PTPN9: variants seen among roughly 807,000 people sequenced by gnomAD.
PTPN9 encodes the protein tyrosine-protein phosphatase non-receptor type 9.
A neutral mutation model predicts 69.8 loss-of-function variants in PTPN9; 26 were observed. The observed-to-expected ratio is 0.37, with a 90% CI of 0.27 to 0.52. The LOEUF (loss-of-function observed/expected upper bound fraction) is 0.52, where lower values mean the gene tolerates loss of function less well. Ranked by LOEUF, PTPN9 falls within the 20% of genes least tolerant of loss-of-function variation. The pLI, the probability that PTPN9 is intolerant of heterozygous loss-of-function variation, is 0.91. For synonymous variants in PTPN9, 274 were observed against 272.5 expected, an observed-to-expected ratio of 1.01 and a Z score of -0.05; for missense variants, 549 against 740.3, an observed-to-expected ratio of 0.74 and a Z score of 3.00.
intron 8 of PTPN9, chr15:75,480,888 G>A (rs1231571217): frequency 2.9e-5 from 8 of 271,862 alleles, no homozygotes; most frequent in East Asian, 1.9e-4. Flanking sequence ...CTGCCCGGCT[G>A]CCACCCCGTC....
At chr15:75,513,481 T>C (rs2074853400) in intron 5 of PTPN9, 1 of 449,114 alleles carries the variant, frequency 2.2e-6, no homozygotes, top group South Asian at 1.6e-5. Context: ...AATCAGTCTT[T>C]TGAGGCTGGG....
intron 1 of PTPN9, among the ~76,000 whole-genome samples, chr15:75,574,738 C>T (rs573271275): frequency 8.6e-5 from 13 of 151,644 alleles, no homozygotes; most frequent in Admixed American, 2.0e-4. Flanking sequence ...GTCAGGAGTT[C>T]GAGACCAGCC....
chr15:75,527,628 G>A (rs1247914846), intron 1 of PTPN9, among the ~76,000 whole-genome samples: 1 of 152,092 alleles, frequency 6.6e-6, no homozygotes, highest in African/African-American at 2.4e-5. Context: ...AGAGGTGGGA[G>A]GATCACTTGA....
intron 1 of PTPN9, among the ~76,000 whole-genome samples, chr15:75,541,098 T>A (rs886434504): frequency 1.5e-4 from 23 of 149,918 alleles, no homozygotes; most frequent in Non-Finnish European, 1.6e-4. Flanking sequence ...AAATAAAAAA[T>A]AAAAAAAAAG....
At chr15:75,549,122 G>A (rs1269862183) in intron 1 of PTPN9, among the ~76,000 whole-genome samples, 1 of 152,146 alleles carries the variant, frequency 6.6e-6, no homozygotes. Flanking sequence ...ACCACACCCA[G>A]CCAGATGCTG....
intron 8 of PTPN9, among the ~76,000 whole-genome samples, chr15:75,482,849 G>A (rs2141294439): frequency 6.6e-6 from 1 of 151,904 alleles, no homozygotes; most frequent in South Asian, 2.1e-4. Context: ...CAGCTACACG[G>A]GAGGCTGAGG....
chr15:75,568,090 C>G (rs1285844066), intron 1 of PTPN9, among the ~76,000 whole-genome samples: 1 of 152,016 alleles, frequency 6.6e-6, no homozygotes, highest in Non-Finnish European at 1.5e-5. Context: ...TTCGGTCTTA[C>G]CATTTTATAG....
At chr15:75,481,830 TGG>T (rs199681689) in intron 8 of PTPN9, among the ~76,000 whole-genome samples, 1 of 94,954 alleles carries the variant, frequency 1.1e-5, no homozygotes, top group South Asian at 4.1e-4. Context: ...GGGAGGGAGG[TGG>T]GGGGGGGTCA....
intron 10 of PTPN9, among the ~76,000 whole-genome samples, chr15:75,472,737 C>G (rs1210609534): frequency 1.4e-5 from 2 of 146,878 alleles, no homozygotes; most frequent in African/African-American, 5.1e-5. Context: ...TGAGATCGAG[C>G]CATTGTACTC....
chr15:75,496,438 G>C (rs1458237431), intron 7 of PTPN9, among the ~76,000 whole-genome samples: 4 of 151,438 alleles, frequency 2.6e-5, no homozygotes, highest in African/African-American at 4.8e-5. Context: ...AATGAAAGTG[G>C]AGACATAGTA....
chr15:75,515,399 C>T (rs2141316139), intron 5 of PTPN9, among the ~76,000 whole-genome samples: 1 of 148,220 alleles, frequency 6.7e-6, no homozygotes, highest in South Asian at 2.1e-4. Context: ...TGCACTCTAG[C>T]CTGGGCGACA....
In PTPN9 at chr15:75,466,210, G is replaced by C. The variant is rs1416040242; in HGVS notation, c.*2559C>G. The C allele has an allele frequency of 1.3e-5, 2 of 152,154 alleles. No individual in the cohort carries two copies. The highest frequency in any genetic ancestry group is 2.9e-5 in the Non-Finnish European group (2 of 68,024). 9.4% of individuals were successfully genotyped at this position (152,154 alleles called of 1,614,324 possible). A position where few individuals can be genotyped will look rare whatever the true frequency, so the allele number is the denominator to read the frequency against. ...TCTTCTGTCAATACCTACCTCAAAA[G>C]GTTGTTGAGGGTGAATGAGATGATA... On this transcript the variant is annotated 3_prime_UTR_variant, in exon 13 of 13. Coordinates refer to ENST00000618819, the MANE Select transcript of PTPN9 (RefSeq NM_002833.4).
In PTPN9 at chr15:75,553,475, G is replaced by A. The variant is rs902954242; in HGVS notation, c.63+25239C>T. 2.0e-5 allele frequency among the ~76,000 whole-genome samples: 3 copies of A among 152,248 alleles called. No homozygotes were observed. The East Asian group carries it at 5.8e-4, about 29-fold the overall frequency. On this transcript the variant is annotated intron_variant, in intron 1 of 12. Coordinates refer to ENST00000618819, the MANE Select transcript of PTPN9 (RefSeq NM_002833.4). Reference sequence around the variant, plus strand: ...AATCCAGGACAGATGAGAAAAGTTAGTAGCTCTGAAAACACAGTAACTTGC... The same window carrying A: ...AATCCAGGACAGATGAGAAAAGTTAATAGCTCTGAAAACACAGTAACTTGC...
intron 1 of PTPN9, among the ~76,000 whole-genome samples, chr15:75,570,070 C>T (rs960386020): frequency 2.0e-5 from 3 of 152,054 alleles, no homozygotes; most frequent in African/African-American, 7.2e-5. Context: ...CCACCCGCCT[C>T]GGCCTCCCAA....
intron 1 of PTPN9, among the ~76,000 whole-genome samples, chr15:75,565,108 A>ATAT (rs1396085799): frequency 4.0e-5 from 4 of 99,326 alleles, no homozygotes; most frequent in East Asian, 5.8e-4. Flanking sequence ...CTCAAAAAAT[A>ATAT]TATAATAATA....
intron 1 of PTPN9, among the ~76,000 whole-genome samples, chr15:75,573,999 T>C (rs1448561035): frequency 1.3e-5 from 2 of 152,080 alleles, no homozygotes; most frequent in Non-Finnish European, 2.9e-5. Flanking sequence ...GCAAAGACCC[T>C]GTAAGCAGGA....
At chr15:75,548,722 T>C (rs1426660730) in intron 1 of PTPN9, among the ~76,000 whole-genome samples, 2 of 149,544 alleles carry the variant, frequency 1.3e-5, no homozygotes, top group Admixed American at 6.7e-5. Flanking sequence ...GGCGCGATCT[T>C]GGCTCACTGC....
Position 75,470,669 on chromosome 15 carries a change from C to T in PTPN9, c.1359+11G>A. 1 of 1,610,466 alleles carries T rather than the reference C, an allele frequency of 6.2e-7. No homozygotes were observed. The highest frequency in any genetic ancestry group is 8.5e-7 in the Non-Finnish European group (1 of 1,178,448). ...TTTCAACAAGGTGAGAAAAAAGAAACCTGGATTTACCTCTGTGTTGTGAAT... is the reference window on the plus strand; with the variant it reads ...TTTCAACAAGGTGAGAAAAAAGAAATCTGGATTTACCTCTGTGTTGTGAAT... On this transcript the variant is annotated intron_variant, in intron 11 of 12. Coordinates refer to ENST00000618819, the MANE Select transcript of PTPN9 (RefSeq NM_002833.4).
At chr15:75,503,645 C>A (rs1460213628) in intron 7 of PTPN9, among the ~76,000 whole-genome samples, 1 of 26,006 alleles carries the variant, frequency 3.8e-5, no homozygotes, top group Non-Finnish European at 8.4e-5. Context: ...AGGTGAGGGG[C>A]GCCTCTGCCC....
Sources: allele counts gnomAD v4.1 joint callset (sites outside exome capture counted in the v4.1 genomes callset), GRCh38; gene constraint gnomAD v4.1.1; transcripts MANE v1.5; gene names NCBI Gene and HGNC (gene_info 2026-07-23, HGNC 2026-07-21).